Variants in SRBD1 observed in about 807,000 individuals in gnomAD.
The protein encoded by SRBD1 is S1 RNA-binding domain-containing protein 1.
A neutral mutation model predicts 115.3 loss-of-function variants in SRBD1; 88 were observed. The observed-to-expected ratio is 0.76, with a 90% CI of 0.64 to 0.91. The LOEUF is 0.91. SRBD1 is among the 40% of genes least tolerant of loss of function. The pLI, the probability that SRBD1 is intolerant of heterozygous loss-of-function variation, is 0.00. For synonymous variants in SRBD1, 509 were observed against 407.7 expected (o/e 1.25, Z -2.99); for missense variants, 1,385 against 1,177.4 (o/e 1.18, Z -2.58).
In SRBD1 at chr2:45,465,046, C is replaced by CACACACAT. The variant is rs58921931; in HGVS notation, c.2049+11946_2049+11947insATGTGTGT. 4.5e-3 allele frequency among the ~76,000 whole-genome samples: 637 copies of CACACACAT among 141,608 alleles called. 21 individuals are homozygous for CACACACAT. Among genetic ancestry groups the CACACACAT allele is most frequent in the East Asian group, 0.023 (112 of 4,856 alleles). The allele number at this position is 141,608 out of a possible 152,430, so 92.9% of individuals were successfully genotyped here. Reference sequence around the variant, plus strand: ...ACACACACACACACACACACACACACACAGAGTCATCCCCTGGTATGGGGG... The same window carrying CACACACAT: ...ACACACACACACACACACACACACACACACACATACAGAGTCATCCCCTGGTATGGGGG... On this transcript the variant is annotated intron_variant, in intron 16 of 20. Coordinates refer to ENST00000263736, the MANE Select transcript of SRBD1 (RefSeq NM_018079.5).
chr2:45,571,816 G>C (rs975377926), intron 9 of SRBD1, among the ~76,000 whole-genome samples: 1 of 151,752 alleles, frequency 6.6e-6, no homozygotes, highest in Non-Finnish European at 1.5e-5. Context: ...CCTGAAGATA[G>C]GTCAAATGGG....
At chr2:45,456,460 T>A (rs1430357311) in intron 16 of SRBD1, among the ~76,000 whole-genome samples, 4 of 151,928 alleles carry the variant, frequency 2.6e-5, no homozygotes, top group Non-Finnish European at 5.9e-5. Flanking sequence ...TAGATGGTTC[T>A]CATGTCAAAT....
At chr2:45,545,752 G>A (rs964317314) in intron 14 of SRBD1, among the ~76,000 whole-genome samples, 6 of 152,072 alleles carry the variant, frequency 3.9e-5, no homozygotes, top group Non-Finnish European at 7.4e-5. Flanking sequence ...GGCACCTATC[G>A]GTTTGTTCCT....
intron 19 of SRBD1, among the ~76,000 whole-genome samples, chr2:45,404,707 C>G (rs768187379): frequency 6.6e-6 from 1 of 152,124 alleles, no homozygotes; most frequent in Non-Finnish European, 1.5e-5. Context: ...TTACAGTGGA[C>G]TTAAAACAGC....
intron 16 of SRBD1, among the ~76,000 whole-genome samples, chr2:45,448,562 T>C (rs570676480): frequency 2.4e-4 from 37 of 152,242 alleles, no homozygotes; most frequent in African/African-American, 8.7e-4. Context: ...AAGAGAAAGA[T>C]GTCAAGGCTT....
chr2:45,425,310 CACA>C (rs770479972), intron 16 of SRBD1, among the ~76,000 whole-genome samples: 2 of 152,194 alleles, frequency 1.3e-5, no homozygotes, highest in Non-Finnish European at 2.9e-5. Context: ...ACTGAATCCT[CACA>C]ACAATTCTAA....
At chr2:45,476,044 G>C (rs1415613007) in intron 16 of SRBD1, among the ~76,000 whole-genome samples, 1 of 152,214 alleles carries the variant, frequency 6.6e-6, no homozygotes, top group African/African-American at 2.4e-5. Context: ...CTTGTAGCTA[G>C]ATCAGTCCCT....
chr2:45,460,019 T>C (rs988231675), intron 16 of SRBD1, among the ~76,000 whole-genome samples: 2 of 152,184 alleles, frequency 1.3e-5, no homozygotes, highest in African/African-American at 2.4e-5. Context: ...GCCCAAGGTA[T>C]GACTAACCAA....
intron 20 of SRBD1, among the ~76,000 whole-genome samples, chr2:45,392,511 T>C (rs1011491968): frequency 1.3e-5 from 2 of 152,240 alleles, no homozygotes; most frequent in African/African-American, 4.8e-5. Flanking sequence ...ATCTTATTTG[T>C]TCAATGGGTT....
At chr2:45,463,020 G>T (rs1197626582) in intron 16 of SRBD1, among the ~76,000 whole-genome samples, 1 of 28,098 alleles carries the variant, frequency 3.6e-5, no homozygotes, top group Non-Finnish European at 1.1e-4. Flanking sequence ...AATAACCCGG[G>T]GGGGGGGGGG....
Position 45,579,928 on chromosome 2 carries a change from A to C in SRBD1, c.1019T>G (p.Leu340Arg). Residue 340 changes from leucine to arginine, a missense_variant, in exon 7 of 21, where the codon CTT becomes CGT. Leu to Arg is a moderately radical substitution (Grantham distance 102). Coordinates refer to ENST00000263736, the MANE Select transcript of SRBD1 (RefSeq NM_018079.5). Reference protein sequence around the residue: ...LGLEGAARALLEKPGELSLLS... With the variant: ...LGLEGAARALREKPGELSLLS... ...CAGACTGAGCTCCCCTGGTTTCTCA[A>C]GCAGTGCCCTGGCTGCTCCTTCTAA... The C allele has an allele frequency of 6.2e-7, 1 of 1,609,986 alleles. No individual in the cohort carries two copies. Among genetic ancestry groups the C allele is most frequent in the Non-Finnish European group, 8.5e-7 (1 of 1,178,012 alleles).
At chr2:45,602,210 G>A (rs1271675883) in intron 2 of SRBD1, 127 bp from the exon 3 acceptor site, 9 of 1,081,382 alleles carry the variant, frequency 8.3e-6, no homozygotes, top group Non-Finnish European at 1.2e-5. Context: ...GAGTGATTGA[G>A]TACAGGCTGT....
At chr2:45,496,110 T>A (rs997734228) in intron 14 of SRBD1, among the ~76,000 whole-genome samples, 4 of 152,210 alleles carry the variant, frequency 2.6e-5, no homozygotes, top group Non-Finnish European at 5.9e-5. Context: ...AATTGTGAAG[T>A]TTGCTTAACA....
chr2:45,424,801 T>C (rs1668104688), intron 16 of SRBD1, among the ~76,000 whole-genome samples: 1 of 152,236 alleles, frequency 6.6e-6, no homozygotes, highest in Non-Finnish European at 1.5e-5. Flanking sequence ...CCCATTCTAT[T>C]TATTCAATAA....
intron 16 of SRBD1, among the ~76,000 whole-genome samples, chr2:45,434,931 C>A (rs1048242927): frequency 1.3e-5 from 2 of 152,000 alleles, no homozygotes; most frequent in African/African-American, 4.8e-5. Flanking sequence ...TCCCCCCACC[C>A]CACGACAGGC....
At chr2:45,531,719 A>G (rs529442263) in intron 14 of SRBD1, among the ~76,000 whole-genome samples, 2 of 151,944 alleles carry the variant, frequency 1.3e-5, no homozygotes, top group East Asian at 3.9e-4. Flanking sequence ...TATTAAGCCT[A>G]GAACAGACAA....
chr2:45,398,132 TC>T (rs1667197705), intron 19 of SRBD1, among the ~76,000 whole-genome samples: 1 of 152,174 alleles, frequency 6.6e-6, no homozygotes, highest in Non-Finnish European at 1.5e-5. Context: ...CAAAGAATTA[TC>T]CAGTAGAACT....
chr2:45,410,378 T>G (rs777322362), intron 19 of SRBD1, among the ~76,000 whole-genome samples: 1 of 152,204 alleles, frequency 6.6e-6, no homozygotes, highest in Non-Finnish European at 1.5e-5. Flanking sequence ...CTCGTATGTA[T>G]TTTTCTAAGA....
chr2:45,413,429 A>G (rs1667665678), intron 18 of SRBD1, 136 bp from the exon 19 acceptor site: 1 of 970,832 alleles, frequency 1.0e-6, no homozygotes, highest in African/African-American at 1.6e-5. Flanking sequence ...TTTACTTCAT[A>G]GAAACTACCA....
Sources: allele counts gnomAD v4.1 joint callset (sites outside exome capture counted in the v4.1 genomes callset), GRCh38; gene constraint gnomAD v4.1.1; transcripts MANE v1.5; gene names NCBI Gene and HGNC (gene_info 2026-07-23, HGNC 2026-07-21).